GRIN2A: variants seen among roughly 807,000 people sequenced by gnomAD.
GRIN2A encodes glutamate receptor ionotropic, NMDA 2A.
In GRIN2A, 22 loss-of-function variants were observed where a neutral mutation model predicts 113.4. The observed-to-expected ratio is 0.19, with a 90% CI of 0.14 to 0.28. The LOEUF is 0.28. Among genes scored for constraint, GRIN2A ranks in the 10% least tolerant of loss-of-function variants. The pLI is 1.00. For missense variants in GRIN2A, 1,502 were observed against 1,887.0 expected, an observed-to-expected ratio of 0.80 and a Z score of 3.78; for synonymous variants, 827 against 738.4, an observed-to-expected ratio of 1.12 and a Z score of -1.94.
At chr16:9,855,122 T>C (rs1451072635) in intron 4 of GRIN2A, among the ~76,000 whole-genome samples, 1 of 152,042 alleles carries the variant, frequency 6.6e-6, no homozygotes. Flanking sequence ...CTCCTTTACA[T>C]GGCACAGGAC....
At chr16:10,045,335 C>T (rs1483502757) in intron 2 of GRIN2A, among the ~76,000 whole-genome samples, 2 of 152,200 alleles carry the variant, frequency 1.3e-5, no homozygotes, top group Non-Finnish European at 2.9e-5. Context: ...ATATGTTCTT[C>T]CTTCTTATGT....
At chr16:9,909,464 C>T (rs143859524) in intron 3 of GRIN2A, among the ~76,000 whole-genome samples, 3 of 152,338 alleles carry the variant, frequency 2.0e-5, no homozygotes, top group East Asian at 1.9e-4. Context: ...CCACTAGTCA[C>T]CTGTTGCCAT....
chr16:9,997,773 T>C (rs540516852), intron 2 of GRIN2A, among the ~76,000 whole-genome samples: 1 of 152,206 alleles, frequency 6.6e-6, no homozygotes, highest in Non-Finnish European at 1.5e-5. Context: ...GCTATTCTCA[T>C]GATAGTGAAT....
intron 2 of GRIN2A, among the ~76,000 whole-genome samples, chr16:10,008,276 T>C (rs1025092128): frequency 2.0e-5 from 3 of 152,200 alleles, no homozygotes; most frequent in Non-Finnish European, 4.4e-5. Context: ...TAGTACCCCA[T>C]GGTGGCTTCC....
At chr16:9,949,342 T>C (rs1158880219) in intron 2 of GRIN2A, among the ~76,000 whole-genome samples, 1 of 151,834 alleles carries the variant, frequency 6.6e-6, no homozygotes, top group East Asian at 1.9e-4. Flanking sequence ...GACGGACGGA[T>C]GAATAGATTG....
At chr16:9,898,054 C>CTTT (rs71402414) in intron 3 of GRIN2A, among the ~76,000 whole-genome samples, 1,231 of 109,584 alleles carry the variant, frequency 0.011, 14 homozygotes, top group Middle Eastern at 0.024. Context: ...CCTCCATTTC[C>CTTT]TTTTTTTTTT....
chr16:9,840,181 T>C (rs2141340108), intron 7 of GRIN2A, among the ~76,000 whole-genome samples: 1 of 152,224 alleles, frequency 6.6e-6, no homozygotes, highest in South Asian at 2.1e-4. Context: ...TGACTCACAG[T>C]TCCACATGGC....
At chr16:10,124,174 T>C (rs1330244777) in intron 2 of GRIN2A, among the ~76,000 whole-genome samples, 1 of 152,146 alleles carries the variant, frequency 6.6e-6, no homozygotes, top group Non-Finnish European at 1.5e-5. Flanking sequence ...AAGGGCCGTG[T>C]GCGTGCCCTT....
chr16:9,999,719 C>T (rs907167759), intron 2 of GRIN2A, among the ~76,000 whole-genome samples: 1 of 151,942 alleles, frequency 6.6e-6, no homozygotes, highest in Admixed American at 6.6e-5. Flanking sequence ...TGCACATGTA[C>T]CCCAGAACTG....
At position 9,829,501 on chromosome 16, in the gene GRIN2A, A is replaced by G. The variant is rs2141312447; in HGVS notation, c.1929T>C (p.Ala643=). The G allele has an allele frequency of 6.2e-7, 1 of 1,614,060 alleles. No individual in the cohort carries two copies. The highest frequency in any genetic ancestry group is 8.5e-7 in the Non-Finnish European group (1 of 1,179,950). The change falls in exon 9 of 13, where the codon GCT becomes GCC. Residue 643 remains alanine, a synonymous_variant. Coordinates refer to ENST00000330684, the MANE Select transcript of GRIN2A (RefSeq NM_001134407.3). ...AGGCAGCCAGATTGGCTGTGTAGCT[A>G]GCCAGGAATATGACAGCGAAGAAGG... ...VWAFFAVIFL[A]SYTANLAAFM...
chr16:10,177,488 T>C (rs1223316583), intron 2 of GRIN2A, among the ~76,000 whole-genome samples: 1 of 152,150 alleles, frequency 6.6e-6, no homozygotes, highest in Non-Finnish European at 1.5e-5. Flanking sequence ...GAGTATCGAA[T>C]CCCCTCCTCC....
intron 2 of GRIN2A, among the ~76,000 whole-genome samples, chr16:9,952,258 C>T (rs901938305): frequency 5.9e-5 from 9 of 152,102 alleles, no homozygotes; most frequent in African/African-American, 1.7e-4. Flanking sequence ...AGGGGACCCA[C>T]CCAACCCAGC....
At chr16:9,989,744 A>G (rs556003477) in intron 2 of GRIN2A, among the ~76,000 whole-genome samples, 50 of 152,328 alleles carry the variant, frequency 3.3e-4, no homozygotes, top group African/African-American at 1.1e-3. Context: ...ACACTTCTCA[A>G]AAGAAGACAT....
intron 2 of GRIN2A, among the ~76,000 whole-genome samples, chr16:10,101,258 G>T (rs561492634): frequency 1.3e-5 from 2 of 152,136 alleles, no homozygotes; most frequent in Non-Finnish European, 2.9e-5. Context: ...TTTTTTCCCA[G>T]GTACTTATGC....
At chr16:10,060,945 C>T (rs914482253) in intron 2 of GRIN2A, among the ~76,000 whole-genome samples, 2 of 152,180 alleles carry the variant, frequency 1.3e-5, no homozygotes, top group African/African-American at 4.8e-5. Flanking sequence ...GCTGGTTTCC[C>T]ACCCAATGTC....
intron 2 of GRIN2A, 95 bp downstream of exon 2, chr16:10,179,903 C>CACAAA: frequency 2.0e-6 from 1 of 495,898 alleles, no homozygotes; most frequent in Non-Finnish European, 4.0e-6. Context: ...CACTTCACAT[C>CACAAA]AAGACAGATT....
At chr16:9,861,546 G>A (rs1429957454) in intron 4 of GRIN2A, among the ~76,000 whole-genome samples, 1 of 152,156 alleles carries the variant, frequency 6.6e-6, no homozygotes, top group East Asian at 1.9e-4. Context: ...AAATGTAATT[G>A]ATCCAGAAAC....
At chr16:9,982,003 G>T (rs948551489) in intron 2 of GRIN2A, among the ~76,000 whole-genome samples, 2 of 152,062 alleles carry the variant, frequency 1.3e-5, no homozygotes, top group Non-Finnish European at 2.9e-5. Flanking sequence ...GTCCAGGCAG[G>T]TCTGGAACTC....
chr16:10,130,080 C>T (rs1460568472), intron 2 of GRIN2A, among the ~76,000 whole-genome samples: 1 of 152,046 alleles, frequency 6.6e-6, no homozygotes, highest in Non-Finnish European at 1.5e-5. Context: ...TTTACTAAGA[C>T]AAGAAAGTAA....
Sources: gnomAD v4.1 joint callset for allele counts (sites outside exome capture counted in the v4.1 genomes callset) on GRCh38, gnomAD v4.1.1 for gene constraint, MANE v1.5 for transcripts, NCBI Gene and HGNC (gene_info 2026-07-23, HGNC 2026-07-21) for gene names.